ZNF398: variants seen among roughly 807,000 people sequenced by gnomAD.
ZNF398 encodes the protein zinc finger DNA binding protein ZER6.
ZNF398 carries 18 observed loss-of-function variants against 41.9 expected under a neutral mutation model. The ratio of observed to expected loss-of-function variants is 0.43; its 90% CI spans 0.30 to 0.64. The LOEUF is 0.64. Ranked by LOEUF, ZNF398 falls within the 30% of genes least tolerant of loss-of-function variation. The pLI is 0.14. For missense variants in ZNF398, 669 were observed against 822.8 expected, an observed-to-expected ratio of 0.81 and a Z score of 2.29; for synonymous variants, 260 against 308.8, an observed-to-expected ratio of 0.84 and a Z score of 1.66.
In ZNF398 at chr7:149,178,956, T is replaced by C. The variant is rs892347841; in HGVS notation, c.1084T>C (p.Cys362Arg). The C allele has an allele frequency of 6.2e-7, 1 of 1,614,122 alleles. No individual in the cohort carries two copies. The part of the protein sequence containing the change: ...LSQDMLLTHQ[C>R]SHATEHPLPC... Reference sequence around the variant, plus strand: ...CCAAGACATGTTGCTGACCCACCAATGTAGCCATGCTACTGAGCACCCCTT... The same window carrying C: ...CCAAGACATGTTGCTGACCCACCAACGTAGCCATGCTACTGAGCACCCCTT... The change falls in exon 6 of 6, where the codon TGT becomes CGT. Residue 362 changes from cysteine to arginine, a missense_variant. By Grantham distance (180) the Cys-to-Arg change is radical. Around this residue, in one of 3 missense-constraint regions of ZNF398, gnomAD observed 290 missense variants for 292.9 expected, o/e 0.99. Transcript: ENST00000475153.
intron 4 of ZNF398, among the ~76,000 whole-genome samples, chr7:149,171,800 A>G (rs1484684971): frequency 6.6e-6 from 1 of 152,102 alleles, no homozygotes; most frequent in African/African-American, 2.4e-5. Context: ...AGCCTCCCAA[A>G]TAGCCTGTAG....
intron 1 of ZNF398, among the ~76,000 whole-genome samples, chr7:149,153,137 G>C (rs1163046216): frequency 6.6e-6 from 1 of 152,024 alleles, no homozygotes; most frequent in Non-Finnish European, 1.5e-5. Flanking sequence ...GGGATTACAG[G>C]CATGAGCCAC....
chr7:149,141,002 T>A (rs997878292), intron 2 of ZNF398, among the ~76,000 whole-genome samples: 2 of 143,032 alleles, frequency 1.4e-5, no homozygotes, highest in Admixed American at 1.5e-4. Context: ...CTTGTGCCAC[T>A]GCACTCCAGC....
rs541794587 is a variant in ZNF398 at position 149,159,710 on chromosome 7, T to C, written c.420+5370T>C. Among the ~76,000 whole-genome samples, 419 of 151,212 alleles carry C rather than the reference T, an allele frequency of 2.8e-3. 2 individuals are homozygous for C. Among genetic ancestry groups the C allele is most frequent in the Non-Finnish European group, 4.8e-3 (326 of 67,968 alleles). ...CCAAGTTCCAGGTCCAAAATAACTTTTCCTCAAAAAAAAAAAAAATTTTTT... is the reference window on the plus strand; with the variant it reads ...CCAAGTTCCAGGTCCAAAATAACTTCTCCTCAAAAAAAAAAAAAATTTTTT... On this transcript the variant is annotated intron_variant, in intron 2 of 5. Coordinates refer to ENST00000475153, the MANE Select transcript of ZNF398 (RefSeq NM_170686.3).
chr7:149,160,730 A>G (rs1795091114), intron 2 of ZNF398, among the ~76,000 whole-genome samples: 1 of 152,196 alleles, frequency 6.6e-6, no homozygotes, highest in Admixed American at 6.6e-5. Flanking sequence ...TTGCATTTGT[A>G]TCTAACTCTG....
In ZNF398 at chr7:149,179,905, G is replaced by A. The variant is rs1563168463; in HGVS notation, c.*104G>A. On this transcript the variant is annotated 3_prime_UTR_variant, in exon 6 of 6. Coordinates refer to ENST00000475153, the MANE Select transcript of ZNF398 (RefSeq NM_170686.3). The surrounding 1 kb of genome is among the most constrained non-coding windows in gnomAD (Gnocchi z 6.1). ...CCAACACCCACAGTAATTATTATCTGGCACATCAATGAATTTGGGGTCCTA... is the reference window on the plus strand; with the variant it reads ...CCAACACCCACAGTAATTATTATCTAGCACATCAATGAATTTGGGGTCCTA... 1.8e-6 allele frequency: 2 copies of A among 1,117,922 alleles called. No homozygotes were observed. The highest frequency in any genetic ancestry group is 1.7e-5 in the South Asian group (1 of 57,494). The allele number at this position is 1,117,922 out of a possible 1,614,324, so 69.3% of individuals were successfully genotyped here. A position where few individuals can be genotyped will look rare whatever the true frequency, so the allele number is the denominator to read the frequency against.
chr7:149,137,273 A>G (rs1474492090), intron 2 of ZNF398, among the ~76,000 whole-genome samples: 2 of 152,188 alleles, frequency 1.3e-5, no homozygotes, highest in Non-Finnish European at 2.9e-5. Flanking sequence ...CTTCCCCAAT[A>G]TGACATGCTC....
chr7:149,142,856 G>C (rs1826857260), upstream of ZNF398, among the ~76,000 whole-genome samples: 1 of 152,222 alleles, frequency 6.6e-6, no homozygotes, highest in South Asian at 2.1e-4. Flanking sequence ...ATCAGTAAAC[G>C]GAAACGCACG....
Position 149,150,835 on chromosome 7 carries a change from G to A in ZNF398, c.24+3069G>A, listed in dbSNP as rs1412140270. Among the ~76,000 whole-genome samples, 5 of 152,094 alleles carry A rather than the reference G, an allele frequency of 3.3e-5. No homozygotes were observed. The South Asian group carries it at 8.3e-4, about 25-fold the overall frequency. On this transcript the variant is annotated intron_variant, in intron 1 of 5. Coordinates refer to ENST00000475153, the MANE Select transcript of ZNF398 (RefSeq NM_170686.3). ...AGTGATTCTCTAGCCTCAGTCTCCCGAGTAGCTGGGATTACATGGCTTGCC... is the reference window on the plus strand; with the variant it reads ...AGTGATTCTCTAGCCTCAGTCTCCCAAGTAGCTGGGATTACATGGCTTGCC...
chr7:149,137,291 C>G (rs1826735425), intron 2 of ZNF398, among the ~76,000 whole-genome samples: 1 of 152,184 alleles, frequency 6.6e-6, no homozygotes, highest in Admixed American at 6.6e-5. Context: ...CTCATGATTA[C>G]TGTAGCTTTG....
chr7:149,178,634 G>A lies in ZNF398; in HGVS notation c.776-14G>A, dbSNP rs1265984952. The A allele has an allele frequency of 1.9e-6, 3 of 1,607,812 alleles. No homozygotes were observed. In the East Asian group the frequency reaches 6.7e-5, roughly 36 times the overall value. On this transcript the variant is annotated splice_polypyrimidine_tract_variant and intron_variant, in intron 5 of 5. Coordinates refer to ENST00000475153, the MANE Select transcript of ZNF398 (RefSeq NM_170686.3). ...AGTTATTGATGGGTATAACTCTGGA[G>A]TCTTTTCTTTCAGATGAAGAGCTTG...
Position 149,179,742 on chromosome 7 carries a change from A to C in ZNF398, c.1870A>C (p.Thr624Pro). The C allele has an allele frequency of 6.2e-7, 1 of 1,613,008 alleles. No individual in the cohort carries two copies. The change falls in exon 6 of 6, where the codon ACT becomes CCT. Residue 624 changes from threonine (T) to proline (P), a missense_variant. By Grantham distance (38) the Thr-to-Pro change is conservative (BLOSUM62 -1). Around this residue, in one of 3 missense-constraint regions of ZNF398, gnomAD observed 210 missense variants for 290.4 expected, o/e 0.72. Transcript: ENST00000475153. The surrounding 1 kb of genome is among the most constrained non-coding windows in gnomAD (Gnocchi z 6.1). ...TGAAACTTCTGGCCTGGGTGTCAAC[A>C]CTGAAGGTCTAGAGACCAACCAGTG... ...GLETSGLGVN[T>P]EGLETNQWYG...
In ZNF398 at chr7:149,179,898, A is replaced by G; in HGVS notation, c.*97A>G. On this transcript the variant is annotated 3_prime_UTR_variant, in exon 6 of 6. Transcript: ENST00000475153. The surrounding 1 kb of genome is among the most constrained non-coding windows in gnomAD (Gnocchi z 6.1). ...GCCCCATCCAACACCCACAGTAATTATTATCTGGCACATCAATGAATTTGG... is the reference window on the plus strand; with the variant it reads ...GCCCCATCCAACACCCACAGTAATTGTTATCTGGCACATCAATGAATTTGG... The G allele has an allele frequency of 8.7e-7, 1 of 1,153,492 alleles. No individual in the cohort carries two copies. The highest frequency in any genetic ancestry group is 1.2e-6 in the Non-Finnish European group (1 of 831,792). The allele number at this position is 1,153,492 out of a possible 1,614,324, so 71.5% of individuals were successfully genotyped here.
upstream of ZNF398, among the ~76,000 whole-genome samples, chr7:149,146,371 G>GTAAA (rs1264939805): frequency 8.5e-5 from 13 of 152,096 alleles, no homozygotes; most frequent in African/African-American, 3.1e-4. Flanking sequence ...AAATAAATAA[G>GTAAA]TAAATAAATA....
At chr7:149,128,592 C>T (rs1464490510) in intron 1 of ZNF398, among the ~76,000 whole-genome samples, 1 of 151,478 alleles carries the variant, frequency 6.6e-6, no homozygotes, top group Non-Finnish European at 1.5e-5. Context: ...ACAGAAAATA[C>T]AAGATTTTGT....
chr7:149,152,986 G>A (rs1195627249), intron 1 of ZNF398, among the ~76,000 whole-genome samples: 4 of 150,658 alleles, frequency 2.7e-5, no homozygotes, highest in East Asian at 3.9e-4. Context: ...TCAGCCTCCC[G>A]AGTAGCTGGT....
chr7:149,182,990 C>T lies in ZNF398; in HGVS notation c.*3189C>T, dbSNP rs1426834868. ...CCAGGACCAGACCCTGTGACTTACT[C>T]GGTAATAACAGTCCACACAAGCCTC... On this transcript the variant is annotated 3_prime_UTR_variant, in exon 6 of 6. Transcript: ENST00000475153. Among the ~76,000 whole-genome samples the T allele has an allele frequency of 3.5e-5, 5 of 144,686 alleles. No homozygotes were observed. Among genetic ancestry groups the T allele is most frequent in the Non-Finnish European group, 6.0e-5 (4 of 67,210 alleles). 94.9% of individuals were successfully genotyped at this position (144,686 alleles called of 152,430 possible).
chr7:149,166,228 A>T lies in ZNF398; in HGVS notation c.491A>T (p.Gln164Leu). The T allele has an allele frequency of 6.2e-7, 1 of 1,614,156 alleles. No individual in the cohort carries two copies. Among genetic ancestry groups the T allele is most frequent in the Non-Finnish European group, 8.5e-7 (1 of 1,180,018 alleles). The part of the protein sequence containing the change: ...TPEWEKLEEW[Q>L]KELYKNIMKG... The stretch of plus-strand genomic sequence containing the variant: ...GAGTGGGAAAAATTAGAAGAATGGC[A>T]AAAGGAACTTTACAAGAATATCATG... The change falls in exon 3 of 6, where the codon CAA becomes CTA. Residue 164 changes from glutamine (Q) to leucine (L), a missense_variant. Coordinates refer to ENST00000475153, the MANE Select transcript of ZNF398 (RefSeq NM_170686.3).
Position 149,179,198 on chromosome 7 carries a change from C to T in ZNF398, c.1326C>T (p.Leu442=), listed in dbSNP as rs1192752957. ...CPKRFADQAR[L]TSHRRAHASE... ...AGCGCTTTGCTGACCAGGCTCGACT[C>T]ACCAGCCACCGGAGAGCTCATGCAA... is the stretch of plus-strand genomic sequence containing the variant. The change falls in exon 6 of 6, where the codon CTC becomes CTT. Residue 442 remains leucine (L), a synonymous_variant. Coordinates refer to ENST00000475153, the MANE Select transcript of ZNF398 (RefSeq NM_170686.3). This position sits in a 1 kb window ranked among gnomAD's most constrained non-coding sequence, Gnocchi z 6.1. The T allele has an allele frequency of 6.2e-7, 1 of 1,613,442 alleles. No homozygotes were observed. Among genetic ancestry groups the T allele is most frequent in the Non-Finnish European group, 8.5e-7 (1 of 1,180,006 alleles).
Sources: gnomAD v4.1 joint callset for allele counts (sites outside exome capture counted in the v4.1 genomes callset) on GRCh38, gnomAD v4.1.1 for gene constraint, gnomAD v4.1.1 regional missense constraint, Gnocchi (gnomAD v3.1) non-coding constraint, MANE v1.5 for transcripts, NCBI Gene and HGNC (gene_info 2026-07-23, HGNC 2026-07-21) for gene names.